The following RB1 variants were observed in gnomAD, a reference collection of about 807,000 sequenced individuals.
RB1 encodes retinoblastoma-associated protein.
RB1 carries 18 observed loss-of-function variants against 135.4 expected under a neutral mutation model. The observed-to-expected ratio is 0.13, with a 90% confidence interval of 0.09 to 0.20. RB1 has a LOEUF of 0.20. Among genes scored for constraint, RB1 ranks in the 10% least tolerant of loss-of-function variants. The pLI is 1.00. For synonymous variants in RB1, 365 were observed against 373.2 expected, an observed-to-expected ratio of 0.98 and a Z score of 0.25; for missense variants, 868 against 1,110.0, an observed-to-expected ratio of 0.78 and a Z score of 3.10.
intron 17 of RB1, among the ~76,000 whole-genome samples, chr13:48,430,555 C>G (rs989641299): frequency 6.6e-6 from 1 of 152,078 alleles, no homozygotes; most frequent in African/African-American, 2.4e-5. Flanking sequence ...GCCTAGCTAA[C>G]GTGGTGAAAC....
chr13:48,373,307 T>C, intron 11 of RB1, 98 bp from the exon 12 acceptor site: 2 of 775,982 alleles, frequency 2.6e-6, no homozygotes, highest in South Asian at 1.5e-5. Flanking sequence ...GGCAGTGTAT[T>C]TGAAGATACA....
intron 25 of RB1, among the ~76,000 whole-genome samples, chr13:48,477,137 T>C (rs1300747928): frequency 6.6e-6 from 1 of 152,230 alleles, no homozygotes; most frequent in Non-Finnish European, 1.5e-5. Flanking sequence ...TTGAAAAATA[T>C]TAACCACTGT....
At chr13:48,333,143 A>G (rs1952351377) in intron 2 of RB1, 1 of 397,748 alleles carries the variant, frequency 2.5e-6, no homozygotes. Context: ...AAAATATCAC[A>G]TTGAACACCT....
intron 2 of RB1, chr13:48,317,038 CG>C: frequency 1.5e-6 from 1 of 655,224 alleles, no homozygotes; most frequent in South Asian, 2.3e-5. Context: ...TTCCTCCTGT[CG>C]GGCAAACTCC....
intron 1 of RB1, among the ~76,000 whole-genome samples, chr13:48,305,269 T>C (rs1410918359): frequency 6.6e-6 from 1 of 152,226 alleles, no homozygotes; most frequent in Non-Finnish European, 1.5e-5. Context: ...AAGTGGGATT[T>C]AGGAAATGGC....
At chr13:48,315,932 A>G (rs770060828) in intron 2 of RB1, among the ~76,000 whole-genome samples, 2 of 152,212 alleles carry the variant, frequency 1.3e-5, no homozygotes, top group African/African-American at 2.4e-5. Flanking sequence ...ACTGTTTTCC[A>G]TAGAGGTTGT....
chr13:48,464,420 T>C (rs1949424072), intron 21 of RB1, among the ~76,000 whole-genome samples: 1 of 152,228 alleles, frequency 6.6e-6, no homozygotes, highest in Non-Finnish European at 1.5e-5. Flanking sequence ...AATTCAATCA[T>C]TTTAATTGTA....
chr13:48,317,686 G>A (rs1265728224), intron 2 of RB1: 13 of 540,030 alleles, frequency 2.4e-5, no homozygotes, highest in Non-Finnish European at 3.7e-5. Flanking sequence ...GGGCGGTGCC[G>A]GATCCCCTTG....
At chr13:48,330,657 G>A (rs941362407) in intron 2 of RB1, among the ~76,000 whole-genome samples, 1 of 152,148 alleles carries the variant, frequency 6.6e-6, no homozygotes, top group Non-Finnish European at 1.5e-5. Flanking sequence ...GACTGAATCA[G>A]TAATCAAAAA....
chr13:48,319,595 C>T lies in RB1; in HGVS notation c.264+12189C>T, dbSNP rs138186765. On this transcript the variant is annotated intron_variant, in intron 2 of 26. Coordinates refer to ENST00000267163, the MANE Select transcript of RB1 (RefSeq NM_000321.3). This position sits in a 1 kb window ranked among gnomAD's most constrained non-coding sequence, Gnocchi z 5.0. ...ACTTGAGGCTTCTGGGCTGCACGTT[C>T]GTCTTTGCTAACCGGGGAGGTTTGC... 1,290 of 244,086 alleles carry T rather than the reference C, an allele frequency of 5.3e-3. 5 individuals are homozygous for T. Among genetic ancestry groups the T allele is most frequent in the Non-Finnish European group, 6.4e-3 (774 of 120,354 alleles). The allele number at this position is 244,086 out of a possible 1,614,324, so 15.1% of individuals were successfully genotyped here.
intron 2 of RB1, 37 bp from the exon 3 acceptor site, chr13:48,342,562 T>C (rs763472712): frequency 8.8e-6 from 11 of 1,250,358 alleles, no homozygotes; most frequent in Middle Eastern, 2.3e-4. Context: ...GTGTGAATTA[T>C]TTAATGAAAT....
intron 24 of RB1, among the ~76,000 whole-genome samples, chr13:48,474,714 G>C (rs1949493641): frequency 6.6e-6 from 1 of 152,046 alleles, no homozygotes; most frequent in Admixed American, 6.6e-5. Context: ...CTCAGTGAAA[G>C]TGGCAGAGCT....
In RB1 at chr13:48,395,269, G is replaced by C. The variant is rs143065152; in HGVS notation, c.1695+13826G>C. ...TCATCAACATCAAAGACCAAAGGTA[G>C]ATAAATCCATGAAGATGAGGAAAAA... On this transcript the variant is annotated intron_variant, in intron 17 of 26. Coordinates refer to ENST00000267163, the MANE Select transcript of RB1 (RefSeq NM_000321.3). Among the ~76,000 whole-genome samples the C allele has an allele frequency of 9.8e-3, 1,488 of 152,280 alleles. 26 individuals carry two copies. Among genetic ancestry groups the C allele is most frequent in the African/African-American group, 0.034 (1,427 of 41,546 alleles).
At chr13:48,400,620 C>T (rs971716119) in intron 17 of RB1, among the ~76,000 whole-genome samples, 7 of 152,082 alleles carry the variant, frequency 4.6e-5, no homozygotes, top group Non-Finnish European at 8.8e-5. Context: ...ACACTGCTAT[C>T]CCTATTTTAT....
rs534893431 is a variant in RB1, at chr13:48,317,908, C to T, written c.264+10502C>T. 549 of 408,682 alleles carry T rather than the reference C, an allele frequency of 1.3e-3. 2 individuals carry two copies. Among genetic ancestry groups the T allele is most frequent in the Middle Eastern group, 5.3e-3 (6 of 1,134 alleles). 25.3% of individuals were successfully genotyped at this position (408,682 alleles called of 1,614,324 possible). The stretch of plus-strand genomic sequence containing the variant: ...GCCCCATTTCCCGAGAGCAGCAGGG[C>T]CCTCTGCCTGAACTTCTGAACTGCT... On this transcript the variant is annotated intron_variant, in intron 2 of 26. Coordinates refer to ENST00000267163, the MANE Select transcript of RB1 (RefSeq NM_000321.3).
chr13:48,416,639 T>A (rs1405813111), intron 17 of RB1: 2 of 152,330 alleles, frequency 1.3e-5, no homozygotes, highest in African/African-American at 4.8e-5. Context: ...GTGGTCTAGC[T>A]CAGTGGATCC....
chr13:48,429,127 T>C (rs996901826), intron 17 of RB1: 1 of 152,202 alleles, frequency 6.6e-6, no homozygotes. Context: ...TGTAATGTTA[T>C]AAAATGGAAG....
chr13:48,322,411 G>A (rs550923442), intron 2 of RB1, among the ~76,000 whole-genome samples: 3 of 152,256 alleles, frequency 2.0e-5, no homozygotes, highest in Non-Finnish European at 4.4e-5. Context: ...TAATTTATTA[G>A]CTTCAATAGT....
chr13:48,431,179 A>T (rs1949126082), intron 17 of RB1, among the ~76,000 whole-genome samples: 1 of 152,188 alleles, frequency 6.6e-6, no homozygotes, highest in South Asian at 2.1e-4. Context: ...TGGGAGATGC[A>T]TCTAAACAAG....
Sources: gnomAD v4.1 joint callset for allele counts (sites outside exome capture counted in the v4.1 genomes callset) on GRCh38, gnomAD v4.1.1 for gene constraint, Gnocchi (gnomAD v3.1) non-coding constraint, MANE v1.5 for transcripts, NCBI Gene and HGNC (gene_info 2026-07-23, HGNC 2026-07-21) for gene names.